The following PON1 variants were observed in gnomAD, a reference collection of about 807,000 sequenced individuals.
The protein encoded by PON1 is serum paraoxonase/arylesterase 1.
PON1 carries 37 observed loss-of-function variants against 39.2 expected under a neutral mutation model. That is an observed-to-expected ratio of 0.94 (90% CI 0.73 to 1.24). The LOEUF (loss-of-function observed/expected upper bound fraction) is 1.24. PON1 is among the 50% of genes most tolerant of loss of function. The pLI, the probability that PON1 is intolerant of heterozygous loss-of-function variation, is 0.00. For missense variants in PON1, 397 were observed against 413.5 expected (o/e 0.96, Z 0.35); for synonymous variants, 148 against 152.2 (o/e 0.97, Z 0.21).
At chr7:95,311,235 TC>T (rs749276784) in intron 5 of PON1, among the ~76,000 whole-genome samples, 3 of 152,092 alleles carry the variant, frequency 2.0e-5, no homozygotes, top group Non-Finnish European at 4.4e-5. Context: ...GGAGCCAGCA[TC>T]CAATCAGCTC....
Position 95,299,038 on chromosome 7 carries a change from C to G in PON1, c.974G>C (p.Gly325Ala), listed in dbSNP as rs1807356964. ...PKVTQVYAEN[G>A]TVLQGSTVAS... The stretch of plus-strand genomic sequence containing the variant: ...AACTGTACTGCCTTGCAACACTGTG[C>G]CATTTTCTGCATAAACCTGTGTCAC... Residue 325 changes from glycine (G) to alanine (A), a missense_variant, in exon 9 of 9, where the codon GGC (glycine) becomes GCC (alanine). Transcript: ENST00000222381. 6.2e-7 allele frequency: 1 copy of G among 1,614,050 alleles called. No homozygotes were observed. Among genetic ancestry groups the G allele is most frequent in the Non-Finnish European group, 8.5e-7 (1 of 1,179,930 alleles).
chr7:95,323,749 T>C (rs998045247), intron 1 of PON1, among the ~76,000 whole-genome samples: 3 of 152,222 alleles, frequency 2.0e-5, no homozygotes, highest in African/African-American at 7.2e-5. Flanking sequence ...GTATTACTAT[T>C]TCCAGTTTAC....
intron 2 of PON1, among the ~76,000 whole-genome samples, chr7:95,317,699 G>A (rs1167505884): frequency 6.6e-6 from 1 of 152,022 alleles, no homozygotes; most frequent in Non-Finnish European, 1.5e-5. Context: ...TGAGCCCGGG[G>A]ACTCTCCTTG....
At chr7:95,324,359 T>A in intron 1 of PON1, 43 bp downstream of exon 1, 1 of 1,584,828 alleles carries the variant, frequency 6.3e-7, no homozygotes, top group Non-Finnish European at 8.7e-7. Context: ...TGGCAGGGAG[T>A]GAGGAGGACG....
chr7:95,298,183 G>A lies in PON1; in HGVS notation c.*761C>T, dbSNP rs3735590. The A allele has an allele frequency of 0.14, 21,378 of 152,558 alleles. 2,291 individuals are homozygous for A. The highest frequency in any genetic ancestry group is 0.29 in the African/African-American group (12,207 of 41,478). 9.5% of individuals were successfully genotyped at this position (152,558 alleles called of 1,614,324 possible). On this transcript the variant is annotated 3_prime_UTR_variant, in exon 9 of 9. Transcript: ENST00000222381. ...AATTATGGGATTCATTCTGTATCCA[G>A]TCATCGAAGTGAACAAACTTCCTTT...
At position 95,298,666 on chromosome 7, in the gene PON1, A is replaced by C. The variant is rs554698617; in HGVS notation, c.*278T>G. ...TTTTGGGGTCACACACTGTTATTTA[A>C]TATCTGACAATTGACATAACTGATT... On this transcript the variant is annotated 3_prime_UTR_variant, in exon 9 of 9. Coordinates refer to ENST00000222381, the MANE Select transcript of PON1 (RefSeq NM_000446.7). 106 of 494,046 alleles carry C rather than the reference A, an allele frequency of 2.1e-4. No individual in the cohort carries two copies. The highest frequency in any genetic ancestry group is 1.8e-3 in the African/African-American group (92 of 51,614). The allele number at this position is 494,046 out of a possible 1,614,324, so 30.6% of individuals were successfully genotyped here. A position where few individuals can be genotyped will look rare whatever the true frequency, so the allele number is the denominator to read the frequency against.
intron 3 of PON1, 79 bp from the exon 4 acceptor site, chr7:95,315,569 G>A (rs1807750376): frequency 1.4e-6 from 2 of 1,461,932 alleles, no homozygotes; most frequent in Non-Finnish European, 1.9e-6. Flanking sequence ...TGGCCCATGG[G>A]TTCATGTTGA....
At chr7:95,317,740 C>T (rs1441985968) in intron 2 of PON1, among the ~76,000 whole-genome samples, 5 of 152,238 alleles carry the variant, frequency 3.3e-5, no homozygotes, top group Non-Finnish European at 4.4e-5. Flanking sequence ...ATTCTCCTAC[C>T]GTTTTATCTT....
intron 4 of PON1, among the ~76,000 whole-genome samples, chr7:95,313,067 C>T (rs1341505396): frequency 2.6e-5 from 4 of 152,124 alleles, no homozygotes; most frequent in African/African-American, 7.2e-5. Context: ...AGGACTGGAC[C>T]AAGAGGATGC....
At position 95,315,302 on chromosome 7, in the gene PON1, T is replaced by C; in HGVS notation, c.370+20A>G. On this transcript the variant is annotated intron_variant, in intron 4 of 8. Transcript: ENST00000222381. ...GTTTTAAGTTTGGTTTTGGTTTTAA[T>C]AAATAGTAAATATTGTTACCTTCAT... 3 of 1,603,136 alleles carry C rather than the reference T, an allele frequency of 1.9e-6. No individual in the cohort carries two copies. The highest frequency in any genetic ancestry group is 2.6e-6 in the Non-Finnish European group (3 of 1,171,386).
rs1489327983 is a variant in PON1, at chr7:95,311,173, G to A, written c.497+278C>T. 2.0e-5 allele frequency among the ~76,000 whole-genome samples: 3 copies of A among 152,114 alleles called. 1 individual carries two copies. Among genetic ancestry groups the A allele is most frequent in the Non-Finnish European group, 1.5e-5 (1 of 68,028 alleles). On this transcript the variant is annotated intron_variant, in intron 5 of 8. Coordinates refer to ENST00000222381, the MANE Select transcript of PON1 (RefSeq NM_000446.7). ...GGTTTGAAATACTAAGTCTGGTTCT[G>A]AAGAAGAGGATTTTTTTCCTGGTAA...
intron 4 of PON1, among the ~76,000 whole-genome samples, chr7:95,315,089 A>T (rs1399503811): frequency 1.3e-5 from 2 of 152,200 alleles, no homozygotes; most frequent in Non-Finnish European, 2.9e-5. Context: ...GAATGTTAGT[A>T]TTTTACAAAA....
intron 7 of PON1, among the ~76,000 whole-genome samples, chr7:95,304,645 C>A (rs1807503017): frequency 6.6e-6 from 1 of 152,112 alleles, no homozygotes; most frequent in African/African-American, 2.4e-5. Flanking sequence ...AACTTCATTC[C>A]TTTTTAAGGC....
chr7:95,299,016 T>G lies in PON1; in HGVS notation c.996A>C (p.Thr332=), dbSNP rs1266592326. 3.7e-6 allele frequency: 6 copies of G among 1,614,006 alleles called. No homozygotes were observed. Among genetic ancestry groups the G allele is most frequent in the Non-Finnish European group, 5.1e-6 (6 of 1,179,974 alleles). The part of the protein sequence containing the change: ...AENGTVLQGS[T]VASVYKGKLL... Reference sequence around the variant, plus strand: ...GTTTCCCTTTGTACACAGAGGCAACTGTACTGCCTTGCAACACTGTGCCAT... The same window carrying G: ...GTTTCCCTTTGTACACAGAGGCAACGGTACTGCCTTGCAACACTGTGCCAT... The change falls in exon 9 of 9, where the codon ACA becomes ACC. Residue 332 remains threonine, a synonymous_variant. Transcript: ENST00000222381.
chr7:95,320,928 G>T (rs1807883179), intron 1 of PON1, among the ~76,000 whole-genome samples: 1 of 152,160 alleles, frequency 6.6e-6, no homozygotes, highest in African/African-American at 2.4e-5. Context: ...TCACTCTAAA[G>T]GAACATCTGA....
intron 4 of PON1, among the ~76,000 whole-genome samples, chr7:95,312,868 T>C (rs187430596): frequency 6.6e-6 from 1 of 151,560 alleles, no homozygotes; most frequent in Non-Finnish European, 1.5e-5. Flanking sequence ...TTCACTTAAT[T>C]GTGAGGTTGT....
At chr7:95,321,934 T>G (rs1238332348) in intron 1 of PON1, among the ~76,000 whole-genome samples, 1 of 152,176 alleles carries the variant, frequency 6.6e-6, no homozygotes, top group Non-Finnish European at 1.5e-5. Context: ...TTTTTGTTCT[T>G]TTGCTCCCAG....
At chr7:95,310,271 T>A (rs1721559186) in intron 5 of PON1, among the ~76,000 whole-genome samples, 1 of 152,030 alleles carries the variant, frequency 6.6e-6, no homozygotes. Flanking sequence ...AATAATCTGT[T>A]TGAATTAGTT....
chr7:95,316,994 T>A (rs1190792593), intron 2 of PON1, among the ~76,000 whole-genome samples: 3 of 152,226 alleles, frequency 2.0e-5, no homozygotes, highest in Non-Finnish European at 4.4e-5. Context: ...ACAAGTTTAA[T>A]TAAAATTTAC....
Sources: gnomAD v4.1 joint callset for allele counts (sites outside exome capture counted in the v4.1 genomes callset) on GRCh38, gnomAD v4.1.1 for gene constraint, MANE v1.5 for transcripts, NCBI Gene and HGNC (gene_info 2026-07-23, HGNC 2026-07-21) for gene names.